The following NME4 variants were observed in gnomAD, a reference collection of about 807,000 sequenced individuals.
The protein encoded by NME4 is nucleoside diphosphate kinase D, mitochondrial.
Under a neutral mutation model 16.4 loss-of-function variants are expected in NME4, and 21 were observed. The ratio of observed to expected loss-of-function variants is 1.28; its 90% CI spans 0.91 to 1.84. The LOEUF (loss-of-function observed/expected upper bound fraction) is 1.84. Ranked by LOEUF, NME4 falls within the 40% of genes most tolerant of loss-of-function variation. The pLI is 0.00. For synonymous variants in NME4, 132 were observed against 107.5 expected (o/e 1.23, Z -1.41); for missense variants, 316 against 261.3 (o/e 1.21, Z -1.44).
rs1247838698 is a variant in NME4, at chr16:397,263, G to C, written c.41G>C (p.Arg14Pro). The C allele has an allele frequency of 9.5e-7, 1 of 1,051,186 alleles. No individual in the cohort carries two copies. Among genetic ancestry groups the C allele is most frequent in the Non-Finnish European group, 1.1e-6 (1 of 874,844 alleles). The allele number at this position is 1,051,186 out of a possible 1,614,324, so 65.1% of individuals were successfully genotyped here. Residue 14 changes from arginine to proline, a missense_variant, in exon 1 of 5, where the codon CGC becomes CCC. Physicochemically the swap from Arg to Pro is moderately radical, Grantham distance 103. Coordinates refer to ENST00000219479, the MANE Select transcript of NME4 (RefSeq NM_005009.3). The stretch of plus-strand genomic sequence containing the variant: ...TGGCGCTCCGCGCTGCGGGGGCTGC[G>C]CTGCGGCCCGCGGGCCCCGGGCCCG... ...LFWRSALRGL[R>P]CGPRAPGPSL...
At chr16:399,519 A>T in intron 3 of NME4, 39 bp downstream of exon 3, 1 of 1,602,544 alleles carries the variant, frequency 6.2e-7, no homozygotes, top group Non-Finnish European at 8.5e-7. Context: ...CCTGTGGGTA[A>T]AGGGCGTGTG....
At chr16:397,929 C>G in intron 1 of NME4, 3 of 1,550,412 alleles carry the variant, frequency 1.9e-6, no homozygotes, top group Non-Finnish European at 2.6e-6. Flanking sequence ...AATGCCCGCA[C>G]CAGCCGCAGC....
rs781780887 is a variant in NME4 at position 398,298 on chromosome 16, GC to G, written c.92-688del. On this transcript the variant is annotated intron_variant, in intron 1 of 4. Coordinates refer to ENST00000219479, the MANE Select transcript of NME4 (RefSeq NM_005009.3). ...GCCTTGAAACTCCACAGCAGCACAG[GC>G]CCCGTCTCCTGGCTCGGACAGAACC... 298 of 1,351,390 alleles carry G rather than the reference GC, an allele frequency of 2.2e-4. 1 individual carries two copies. Among genetic ancestry groups the G allele is most frequent in the East Asian group, 1.2e-3 (27 of 22,298 alleles). 83.7% of individuals were successfully genotyped at this position (1,351,390 alleles called of 1,614,324 possible). A position where few individuals can be genotyped will look rare whatever the true frequency, so the allele number is the denominator to read the frequency against.
chr16:400,463 C>A lies in NME4; in HGVS notation c.*121C>A. 3 of 1,296,616 alleles carry A rather than the reference C, an allele frequency of 2.3e-6. No homozygotes were observed. The highest frequency in any genetic ancestry group is 3.1e-6 in the Non-Finnish European group (3 of 965,508). 80.3% of individuals were successfully genotyped at this position (1,296,616 alleles called of 1,614,324 possible). ...CCACTTACTTCCCTGTTCACCTCTG[C>A]CCCACCCCAGCCCAGAGGAGTTTGA... On this transcript the variant is annotated 3_prime_UTR_variant, in exon 5 of 5. Coordinates refer to ENST00000219479, the MANE Select transcript of NME4 (RefSeq NM_005009.3).
chr16:398,898 C>A, intron 1 of NME4, 92 bp from the exon 2 acceptor site: 1 of 1,549,860 alleles, frequency 6.5e-7, no homozygotes, highest in Non-Finnish European at 8.7e-7. Flanking sequence ...CACCCTGAAG[C>A]CTGGTGACCC....
In NME4 at chr16:399,421, A is replaced by G. The variant is rs2054612185; in HGVS notation, c.268A>G (p.Arg90Gly). 6.2e-7 allele frequency: 1 copy of G among 1,612,968 alleles called. No individual in the cohort carries two copies. The highest frequency in any genetic ancestry group is 1.3e-5 in the African/African-American group (1 of 75,016). Reference sequence around the variant, plus strand: ...TGCCGAGCACTACCAGGACCTGCGGAGGAAGCCCTTCTACCCTGCCCTCAT... The same window carrying G: ...TGCCGAGCACTACCAGGACCTGCGGGGGAAGCCCTTCTACCCTGCCCTCAT... The part of the protein sequence containing the change: ...VLAEHYQDLR[R>G]KPFYPALIRY... The change falls in exon 3 of 5, where the codon AGG (arginine) becomes GGG (glycine). Residue 90 changes from arginine to glycine, a missense_variant. By Grantham distance (125) the Arg-to-Gly change is moderately radical. Coordinates refer to ENST00000219479, the MANE Select transcript of NME4 (RefSeq NM_005009.3).
At chr16:397,798 G>T (rs1052048799) in intron 1 of NME4, 9 of 1,513,840 alleles carry the variant, frequency 5.9e-6, no homozygotes, top group Non-Finnish European at 7.1e-6. Flanking sequence ...GAATCTGACT[G>T]GGACGTCAGG....
At chr16:399,243 G>A in intron 2 of NME4, 120 bp downstream of exon 2, 1 of 1,454,570 alleles carries the variant, frequency 6.9e-7, no homozygotes, top group Non-Finnish European at 9.7e-7. Flanking sequence ...GAAGGGGCAG[G>A]AGGGATCTAT....
chr16:398,387 T>TG (rs1306193656), intron 1 of NME4: 21 of 1,246,644 alleles, frequency 1.7e-5, no homozygotes, highest in Non-Finnish European at 2.1e-5. Flanking sequence ...GCTCACCTGG[T>TG]GGGGAAAGTG....
chr16:398,472 G>C, intron 1 of NME4: 2 of 1,095,098 alleles, frequency 1.8e-6, no homozygotes, highest in Admixed American at 7.2e-5. Context: ...CATGTGGAAA[G>C]TCGGGGCTTC....
At position 399,865 on chromosome 16, in the gene NME4, C is replaced by G. The variant is rs2054621767; in HGVS notation, c.440+126C>G. ...GATGAAGCCAGGTCGGACATGACAG[C>G]TCACACTGGTGAGAGCCGTGTTCTC... On this transcript the variant is annotated intron_variant, in intron 4 of 4. Coordinates refer to ENST00000219479, the MANE Select transcript of NME4 (RefSeq NM_005009.3). The G allele has an allele frequency of 3.9e-6, 3 of 761,188 alleles. No individual in the cohort carries two copies. In the Admixed American group the frequency reaches 6.6e-5, roughly 17 times the overall value. 47.2% of individuals were successfully genotyped at this position (761,188 alleles called of 1,614,324 possible). A position where few individuals can be genotyped will look rare whatever the true frequency, so the allele number is the denominator to read the frequency against.
Position 400,217 on chromosome 16 carries a change from A to T in NME4, c.441-2A>T. ...CCTCACATTGCTCCTGTCCTGGCACAGGAATGTCATCCACGCCAGCGACTC... is the reference window on the plus strand; with the variant it reads ...CCTCACATTGCTCCTGTCCTGGCACTGGAATGTCATCCACGCCAGCGACTC... On this transcript the variant is annotated splice_acceptor_variant, in intron 4 of 4. Coordinates refer to ENST00000219479, the MANE Select transcript of NME4 (RefSeq NM_005009.3). LOFTEE classifies it high-confidence loss of function. The T allele has an allele frequency of 6.2e-7, 1 of 1,607,356 alleles. No homozygotes were observed. The highest frequency in any genetic ancestry group is 8.5e-7 in the Non-Finnish European group (1 of 1,175,942).
chr16:397,154 C>CG (rs1347847337), upstream of NME4: 1 of 599,826 alleles, frequency 1.7e-6, no homozygotes, highest in Non-Finnish European at 2.1e-6. Context: ...CGGGCGGGGG[C>CG]GGGTCTCGGG....
upstream of NME4, chr16:396,943 C>T (rs1597180125): frequency 1.3e-5 from 2 of 152,452 alleles, no homozygotes; most frequent in African/African-American, 4.8e-5. Flanking sequence ...CCGAGTGGGC[C>T]TTCCTCCGTG....
chr16:397,831 C>A (rs756359889), intron 1 of NME4: 168 of 1,534,102 alleles, frequency 1.1e-4, no homozygotes, highest in Non-Finnish European at 1.4e-4. Flanking sequence ...GGCCCCGCCG[C>A]TGCCCGGCCC....
chr16:397,823 C>CTG lies in NME4; in HGVS notation c.91+510_91+511insTG. ...GGGACGTCAGGCCCCAAGTCCCCGG[C>CTG]CCCGCCGCTGCCCGGCCCCCCCAGC... On this transcript the variant is annotated intron_variant, in intron 1 of 4. Transcript: ENST00000219479. 2.0e-6 allele frequency: 3 copies of CTG among 1,514,022 alleles called. No homozygotes were observed. In the East Asian group the frequency reaches 7.7e-5, roughly 39 times the overall value. 93.8% of individuals were successfully genotyped at this position (1,514,022 alleles called of 1,614,324 possible).
At position 399,441 on chromosome 16, in the gene NME4, C is replaced by T. The variant is rs148902060; in HGVS notation, c.288C>T (p.Ala96=). ...QDLRRKPFYP[A]LIRYMSSGPV... ...TGCGGAGGAAGCCCTTCTACCCTGC[C>T]CTCATCCGCTACATGAGCTCTGGGC... The change falls in exon 3 of 5, where the codon GCC becomes GCT. Residue 96 remains alanine, a synonymous_variant. Coordinates refer to ENST00000219479, the MANE Select transcript of NME4 (RefSeq NM_005009.3). The T allele has an allele frequency of 1.1e-4, 171 of 1,613,004 alleles. 3 individuals are homozygous for T. The African/African-American group carries it at 1.3e-3, about 12-fold the overall frequency.
rs555116142 is a variant in NME4 at position 398,164 on chromosome 16, C to T, written c.92-826C>T. The T allele has an allele frequency of 1.3e-4, 201 of 1,522,642 alleles. 2 individuals are homozygous for T. In the East Asian group the frequency reaches 4.9e-3, roughly 37 times the overall value. The allele number at this position is 1,522,642 out of a possible 1,614,324, so 94.3% of individuals were successfully genotyped here. On this transcript the variant is annotated intron_variant, in intron 1 of 4. Transcript: ENST00000219479. ...GAGGGTAGCTTGGCTCTGGAGCAGC[C>T]TGGGACTATAGGAAGGTGAGGACGT...
At chr16:399,250 C>T in intron 2 of NME4, 127 bp downstream of exon 2, 2 of 1,441,776 alleles carry the variant, frequency 1.4e-6, no homozygotes, top group East Asian at 2.3e-5. Context: ...CAGGAGGGAT[C>T]TATTCTGCGG....
Sources: gnomAD v4.1 joint callset for allele counts on GRCh38, gnomAD v4.1.1 for gene constraint, MANE v1.5 for transcripts, NCBI Gene and HGNC (gene_info 2026-07-23, HGNC 2026-07-21) for gene names.